GALNT1: variants seen among roughly 807,000 people sequenced by gnomAD.
GALNT1 encodes GalNAc transferase 1.
In GALNT1, 17 loss-of-function variants were observed where a neutral mutation model predicts 65.7. That is an observed-to-expected ratio of 0.26 (90% CI 0.18 to 0.39). GALNT1 has a LOEUF of 0.39. Ranked by LOEUF, GALNT1 falls within the 10% of genes least tolerant of loss-of-function variation. The pLI is 1.00. For synonymous variants in GALNT1, 210 were observed against 219.7 expected, an observed-to-expected ratio of 0.96 and a Z score of 0.39; for missense variants, 460 against 672.8, an observed-to-expected ratio of 0.68 and a Z score of 3.50.
intron 4 of GALNT1, among the ~76,000 whole-genome samples, chr18:35,681,495 T>G (rs2047785478): frequency 6.6e-6 from 1 of 152,044 alleles, no homozygotes; most frequent in Admixed American, 6.6e-5. Context: ...GCATTTTTTT[T>G]TTTAATTTTG....
chr18:35,648,791 G>T (rs11663705), intron 1 of GALNT1, among the ~76,000 whole-genome samples: 34,175 of 152,016 alleles, frequency 0.22, 4,310 homozygotes, highest in African/African-American at 0.34. Flanking sequence ...AGGTTCAGTT[G>T]TATAAGTTTA....
Position 35,683,542 on chromosome 18 carries a change from T to C in GALNT1, c.633T>C (p.His211=). 21 of 1,613,780 alleles carry C rather than the reference T, an allele frequency of 1.3e-5. No individual in the cohort carries two copies. Among genetic ancestry groups the C allele is most frequent in the Middle Eastern group, 1.7e-4 (1 of 6,060 alleles). ...KGQVITFLDA[H]CECTVGWLEP... ...AAGTGATCACCTTCCTGGATGCCCA[T>C]TGTGAGTGTACAGTGGGATGGCTGG... The change falls in exon 5 of 12, where the codon CAT becomes CAC. Residue 211 remains histidine, a synonymous_variant. Transcript: ENST00000269195.
chr18:35,606,329 C>T (rs2046646783), intron 1 of GALNT1, among the ~76,000 whole-genome samples: 1 of 152,152 alleles, frequency 6.6e-6, no homozygotes, highest in Non-Finnish European at 1.5e-5. Flanking sequence ...GTGAAAAGAA[C>T]CAGAAATGTT....
At chr18:35,652,939 A>G (rs766420751) in intron 1 of GALNT1, among the ~76,000 whole-genome samples, 19 of 152,270 alleles carry the variant, frequency 1.2e-4, no homozygotes, top group Non-Finnish European at 2.6e-4. Flanking sequence ...TGCACCAGCA[A>G]TCAGACTGCT....
intron 3 of GALNT1, among the ~76,000 whole-genome samples, chr18:35,674,348 T>C (rs768416444): frequency 6.6e-6 from 1 of 152,212 alleles, no homozygotes; most frequent in African/African-American, 2.4e-5. Flanking sequence ...TATAATGATA[T>C]GGGACTACTG....
intron 5 of GALNT1, among the ~76,000 whole-genome samples, chr18:35,685,099 G>C (rs1174110069): frequency 6.6e-6 from 1 of 152,014 alleles, no homozygotes; most frequent in East Asian, 1.9e-4. Flanking sequence ...CTTTTTATGA[G>C]GCTGGTATAA....
chr18:35,613,943 G>T (rs1394475660), intron 1 of GALNT1, among the ~76,000 whole-genome samples: 1 of 151,986 alleles, frequency 6.6e-6, no homozygotes, highest in Non-Finnish European at 1.5e-5. Context: ...AGAATCAAAT[G>T]AAATCCTCAC....
At chr18:35,692,121 A>G in intron 8 of GALNT1, 60 bp from the exon 9 acceptor site, 1 of 1,438,962 alleles carries the variant, frequency 6.9e-7, no homozygotes, top group Non-Finnish European at 9.7e-7. Flanking sequence ...GATTCAATAT[A>G]TAAACATGTG....
intron 10 of GALNT1, 127 bp from the exon 11 acceptor site, chr18:35,703,382 A>ATTACT: frequency 2.3e-6 from 2 of 863,118 alleles, no homozygotes; most frequent in South Asian, 3.7e-5. Flanking sequence ...TTTATTCTTC[A>ATTACT]TTACTTTAAT....
intron 1 of GALNT1, among the ~76,000 whole-genome samples, chr18:35,591,974 A>G (rs1233939164): frequency 6.6e-6 from 1 of 152,240 alleles, no homozygotes; most frequent in East Asian, 1.9e-4. Flanking sequence ...GTCTTGGTAC[A>G]TATCCAGTTG....
chr18:35,628,504 G>T (rs1420860217), intron 1 of GALNT1, among the ~76,000 whole-genome samples: 1 of 152,208 alleles, frequency 6.6e-6, no homozygotes, highest in African/African-American at 2.4e-5. Context: ...GCAGCTGAGG[G>T]TCCTGACTGT....
At chr18:35,649,853 G>A (rs1195125911) in intron 1 of GALNT1, among the ~76,000 whole-genome samples, 2 of 152,206 alleles carry the variant, frequency 1.3e-5, no homozygotes, top group Non-Finnish European at 2.9e-5. Context: ...GACTGTATAT[G>A]TGTGGATCTG....
At chr18:35,673,322 A>T (rs1412060810) in intron 3 of GALNT1, among the ~76,000 whole-genome samples, 2 of 152,294 alleles carry the variant, frequency 1.3e-5, no homozygotes, top group East Asian at 1.9e-4. Flanking sequence ...CTTTCATACT[A>T]TAGTTCTTGA....
At chr18:35,670,490 A>G (rs956077264) in intron 3 of GALNT1, among the ~76,000 whole-genome samples, 7 of 152,190 alleles carry the variant, frequency 4.6e-5, no homozygotes, top group Non-Finnish European at 8.8e-5. Flanking sequence ...AAAGCAAAGA[A>G]AAATTAAATA....
chr18:35,650,718 C>G (rs1051427014), intron 1 of GALNT1, among the ~76,000 whole-genome samples: 2 of 152,158 alleles, frequency 1.3e-5, no homozygotes, highest in Non-Finnish European at 2.9e-5. Flanking sequence ...TCTGTTCCGC[C>G]CGGCCCACAG....
At chr18:35,697,081 G>A (rs2048070181) in intron 9 of GALNT1, among the ~76,000 whole-genome samples, 1 of 152,204 alleles carries the variant, frequency 6.6e-6, no homozygotes, top group South Asian at 2.1e-4. Flanking sequence ...GTCAGGTACA[G>A]CTAAGTTGCT....
At chr18:35,639,056 A>C (rs2047128867) in intron 1 of GALNT1, among the ~76,000 whole-genome samples, 1 of 152,240 alleles carries the variant, frequency 6.6e-6, no homozygotes, top group African/African-American at 2.4e-5. Context: ...ATGACAACAA[A>C]AAATTTAGAA....
intron 9 of GALNT1, among the ~76,000 whole-genome samples, chr18:35,698,017 T>A (rs961618110): frequency 2.6e-5 from 4 of 152,232 alleles, no homozygotes; most frequent in Admixed American, 2.6e-4. Flanking sequence ...TCCACGTGAC[T>A]TTCATAGGGT....
intron 1 of GALNT1, among the ~76,000 whole-genome samples, chr18:35,592,029 C>T (rs1469985942): frequency 6.6e-6 from 1 of 152,130 alleles, no homozygotes; most frequent in African/African-American, 2.4e-5. Context: ...CTGTAGGCTT[C>T]ATAGTTGGAG....
Sources: gnomAD v4.1 joint callset for allele counts (sites outside exome capture counted in the v4.1 genomes callset) on GRCh38, gnomAD v4.1.1 for gene constraint, MANE v1.5 for transcripts, NCBI Gene and HGNC (gene_info 2026-07-23, HGNC 2026-07-21) for gene names.